The following GRID2 variants were observed in gnomAD, a reference collection of about 807,000 sequenced individuals.
GRID2 encodes glutamate ionotropic receptor delta type subunit 2, also known as glutamate receptor ionotropic, delta-2.
A neutral mutation model predicts 114.8 loss-of-function variants in GRID2; 33 were observed. The observed-to-expected ratio is 0.29, with a 90% CI of 0.22 to 0.38. The LOEUF (loss-of-function observed/expected upper bound fraction) is 0.38, where lower values mean the gene tolerates loss of function less well. Ranked by LOEUF, GRID2 falls within the 10% of genes least tolerant of loss-of-function variation. The pLI is 1.00. For missense variants in GRID2, 1,184 were observed against 1,257.7 expected (o/e 0.94, Z 0.89); for synonymous variants, 505 against 449.9 (o/e 1.12, Z -1.55).
intron 1 of GRID2, among the ~76,000 whole-genome samples, chr4:92,335,329 C>CTTGT (rs71579552): frequency 0.063 from 9,612 of 152,254 alleles, 356 homozygotes; most frequent in Middle Eastern, 0.14. Context: ...CATATCAGAA[C>CTTGT]TTGTTTTCTC....
chr4:93,707,017 T>C (rs187998552), intron 14 of GRID2, among the ~76,000 whole-genome samples: 1 of 152,148 alleles, frequency 6.6e-6, no homozygotes, highest in South Asian at 2.1e-4. Context: ...GATTGGTTTA[T>C]GTGTGTTGAT....
chr4:92,592,983 CAT>C (rs1579644257), intron 2 of GRID2, among the ~76,000 whole-genome samples: 1 of 151,976 alleles, frequency 6.6e-6, no homozygotes, highest in African/African-American at 2.4e-5. Context: ...CTTTCTCTCA[CAT>C]GTTTACTGCA....
intron 14 of GRID2, among the ~76,000 whole-genome samples, chr4:93,634,193 A>G (rs965213432): frequency 3.3e-5 from 5 of 152,144 alleles, no homozygotes; most frequent in South Asian, 2.1e-4. Context: ...GGAAAACAAA[A>G]TCAGTGAAGG....
At chr4:93,344,452 C>T (rs1026455722) in intron 8 of GRID2, among the ~76,000 whole-genome samples, 1 of 151,380 alleles carries the variant, frequency 6.6e-6, no homozygotes, top group African/African-American at 2.4e-5. Flanking sequence ...GTAAAATTGA[C>T]AAATAAAAAT....
intron 2 of GRID2, among the ~76,000 whole-genome samples, chr4:92,771,371 A>C (rs1287743646): frequency 6.6e-6 from 1 of 152,050 alleles, no homozygotes; most frequent in Admixed American, 6.5e-5. Flanking sequence ...TTTCTTTTTC[A>C]CATGTGACTC....
At chr4:93,584,201 G>T (rs1737303911) in intron 13 of GRID2, among the ~76,000 whole-genome samples, 1 of 152,028 alleles carries the variant, frequency 6.6e-6, no homozygotes, top group Non-Finnish European at 1.5e-5. Flanking sequence ...TAAATAGAAG[G>T]GCTATCCCTC....
At chr4:92,929,553 G>A (rs933859547) in intron 2 of GRID2, among the ~76,000 whole-genome samples, 2 of 151,296 alleles carry the variant, frequency 1.3e-5, no homozygotes, top group Non-Finnish European at 1.5e-5. Flanking sequence ...TGACATAAGA[G>A]TTGGCTGTCT....
chr4:92,938,408 C>T (rs1232268630), intron 2 of GRID2, among the ~76,000 whole-genome samples: 1 of 146,114 alleles, frequency 6.8e-6, no homozygotes, highest in African/African-American at 2.4e-5. Flanking sequence ...AATTGAAATT[C>T]CCTGATAATT....
intron 2 of GRID2, among the ~76,000 whole-genome samples, chr4:92,667,705 A>T (rs1211477979): frequency 6.6e-6 from 1 of 151,560 alleles, no homozygotes; most frequent in African/African-American, 2.4e-5. Context: ...TAGAAAATTA[A>T]AAAAAATACC....
intron 1 of GRID2, among the ~76,000 whole-genome samples, chr4:92,502,627 A>G: frequency 6.6e-6 from 1 of 150,578 alleles, no homozygotes; most frequent in South Asian, 2.1e-4. Flanking sequence ...ATCCACCCAG[A>G]GTTCTTGGAA....
At chr4:93,626,189 A>T in intron 13 of GRID2, 80 bp from the exon 14 acceptor site, 1 of 691,344 alleles carries the variant, frequency 1.4e-6, no homozygotes, top group Non-Finnish European at 2.5e-6. Flanking sequence ...ATACCAATGT[A>T]ATGTTTTTCA....
chr4:93,264,334 C>T (rs1446075871), intron 8 of GRID2, among the ~76,000 whole-genome samples: 1 of 151,986 alleles, frequency 6.6e-6, no homozygotes, highest in Non-Finnish European at 1.5e-5. Context: ...CTTTATTTTA[C>T]TTAAATTATA....
intron 1 of GRID2, among the ~76,000 whole-genome samples, chr4:92,444,387 T>G (rs1733323872): frequency 1.4e-5 from 2 of 147,506 alleles, no homozygotes; most frequent in Non-Finnish European, 3.0e-5. Flanking sequence ...GTTTGTTCTC[T>G]GGCGGGCAGG....
intron 11 of GRID2, among the ~76,000 whole-genome samples, chr4:93,471,366 C>T (rs956070598): frequency 3.3e-5 from 5 of 152,066 alleles, no homozygotes; most frequent in African/African-American, 1.2e-4. Flanking sequence ...AAATTGTATT[C>T]CGTAACTCCC....
At chr4:93,785,282 T>TG (rs1734569105) in intron 1 of GRID2, among the ~76,000 whole-genome samples, 1 of 152,282 alleles carries the variant, frequency 6.6e-6, no homozygotes, top group African/African-American at 2.4e-5. Context: ...TGCAATCTAC[T>TG]GGGGAAGAAA....
intron 2 of GRID2, among the ~76,000 whole-genome samples, chr4:92,922,540 T>C (rs1286017579): frequency 6.6e-6 from 1 of 152,220 alleles, no homozygotes; most frequent in South Asian, 2.1e-4. Flanking sequence ...AAAAATGAAC[T>C]GCTCTGAACT....
intron 2 of GRID2, among the ~76,000 whole-genome samples, chr4:92,679,534 AT>A (rs1175550610): frequency 2.6e-5 from 4 of 152,048 alleles, no homozygotes; most frequent in Non-Finnish European, 5.9e-5. Context: ...TATTCAACCT[AT>A]TTTTAACACC....
intron 2 of GRID2, among the ~76,000 whole-genome samples, chr4:93,003,316 T>G (rs560382415): frequency 5.9e-5 from 9 of 151,986 alleles, no homozygotes; most frequent in Non-Finnish European, 1.3e-4. Flanking sequence ...AATTACTGTT[T>G]ACAGCCATGA....
intron 8 of GRID2, among the ~76,000 whole-genome samples, chr4:93,333,084 C>T (rs756397295): frequency 2.0e-3 from 303 of 152,056 alleles, no homozygotes; most frequent in Non-Finnish European, 3.5e-3. Context: ...TGCTCTAAGC[C>T]TTTTTTAGCT....
Sources: gnomAD v4.1 joint callset for allele counts (sites outside exome capture counted in the v4.1 genomes callset) on GRCh38, gnomAD v4.1.1 for gene constraint, MANE v1.5 for transcripts, NCBI Gene and HGNC (gene_info 2026-07-23, HGNC 2026-07-21) for gene names.